The following NDUFAF2 variants were observed in gnomAD, a reference collection of about 807,000 sequenced individuals.
NDUFAF2 encodes the protein NADH:ubiquinone oxidoreductase complex assembly factor 2.
In NDUFAF2, 13 loss-of-function variants were observed where a neutral mutation model predicts 22.8. The ratio of observed to expected loss-of-function variants is 0.57; its 90% CI spans 0.37 to 0.91. The LOEUF is 0.91. NDUFAF2 is among the 40% of genes least tolerant of loss of function. The pLI is 0.01. For missense variants in NDUFAF2, 162 were observed against 195.2 expected, an observed-to-expected ratio of 0.83 and a Z score of 1.01; for synonymous variants, 53 against 64.2, an observed-to-expected ratio of 0.83 and a Z score of 0.84.
intron 1 of NDUFAF2, among the ~76,000 whole-genome samples, chr5:61,032,515 G>A (rs1432255209): frequency 6.6e-6 from 1 of 152,124 alleles, no homozygotes; most frequent in Non-Finnish European, 1.5e-5. Flanking sequence ...TGTCAAGTTT[G>A]TCAAAGATCA....
At chr5:61,101,425 T>C (rs1047128319) in intron 3 of NDUFAF2, among the ~76,000 whole-genome samples, 3 of 152,206 alleles carry the variant, frequency 2.0e-5, no homozygotes, top group African/African-American at 7.2e-5. Context: ...GTATTTGTTT[T>C]AAATCTTTCA....
intron 1 of NDUFAF2, among the ~76,000 whole-genome samples, chr5:60,973,606 G>T (rs1750864310): frequency 6.6e-6 from 1 of 152,158 alleles, no homozygotes; most frequent in Non-Finnish European, 1.5e-5. Flanking sequence ...TTAGCAAAAG[G>T]AGTAACGTAA....
chr5:60,951,211 G>GT (rs945884539), intron 1 of NDUFAF2, among the ~76,000 whole-genome samples: 3 of 151,954 alleles, frequency 2.0e-5, no homozygotes, highest in Admixed American at 2.0e-4. Flanking sequence ...TGTAATTTTA[G>GT]TAAGAGACAG....
At chr5:61,079,608 TAGAG>T (rs1752415632) in intron 2 of NDUFAF2, among the ~76,000 whole-genome samples, 1 of 152,298 alleles carries the variant, frequency 6.6e-6, no homozygotes, top group Admixed American at 6.5e-5. Context: ...TAGAAAAGAT[TAGAG>T]AGAATATTCT....
At chr5:61,146,048 C>G (rs1741132989) in intron 3 of NDUFAF2, 1 of 152,126 alleles carries the variant, frequency 6.6e-6, no homozygotes, top group Non-Finnish European at 1.5e-5. Flanking sequence ...GCTTTGGTGA[C>G]TAGAGACTTT....
intron 1 of NDUFAF2, among the ~76,000 whole-genome samples, chr5:60,971,380 G>C (rs983333124): frequency 6.6e-6 from 1 of 151,032 alleles, no homozygotes; most frequent in South Asian, 2.1e-4. Flanking sequence ...TCCGCCTCCC[G>C]GGTTCACGCC....
chr5:61,088,678 A>T (rs1397730913), intron 2 of NDUFAF2, among the ~76,000 whole-genome samples: 1 of 152,162 alleles, frequency 6.6e-6, no homozygotes, highest in Non-Finnish European at 1.5e-5. Context: ...ATGCCAACTT[A>T]ATAATATCCC....
chr5:60,945,760 C>T (rs908412929), intron 1 of NDUFAF2, among the ~76,000 whole-genome samples: 1 of 152,222 alleles, frequency 6.6e-6, no homozygotes, highest in Non-Finnish European at 1.5e-5. Flanking sequence ...AAATCTTTCA[C>T]CAAAGGGGCT....
chr5:60,958,520 A>G (rs1750646422), intron 1 of NDUFAF2, among the ~76,000 whole-genome samples: 1 of 152,158 alleles, frequency 6.6e-6, no homozygotes, highest in Non-Finnish European at 1.5e-5. Flanking sequence ...TAACATTTTT[A>G]TAACAACCAT....
chr5:61,143,958 TTTTGTGTGTGTGTGTGTGTG>T (rs1452343944), intron 3 of NDUFAF2, among the ~76,000 whole-genome samples: 5 of 125,560 alleles, frequency 4.0e-5, no homozygotes, highest in African/African-American at 9.5e-5. Context: ...AATGGCATAT[TTTTGTGTGTGTGTGTGTGTG>T]TGTGTGTGTG....
intron 1 of NDUFAF2, among the ~76,000 whole-genome samples, chr5:61,042,148 C>T (rs1751891588): frequency 6.6e-6 from 1 of 152,034 alleles, no homozygotes; most frequent in Non-Finnish European, 1.5e-5. Flanking sequence ...ACTGTTTTAG[C>T]CATAGGAGAT....
intron 3 of NDUFAF2, among the ~76,000 whole-genome samples, chr5:61,120,846 A>AT (rs929373632): frequency 6.6e-6 from 1 of 151,914 alleles, no homozygotes; most frequent in African/African-American, 2.4e-5. Flanking sequence ...TTTTTGGTTT[A>AT]TTTTTTTTAT....
rs1432463440 is a variant in NDUFAF2 at position 60,945,517 on chromosome 5, C to T, written c.127+135C>T. 16 of 1,316,908 alleles carry T rather than the reference C, an allele frequency of 1.2e-5. No homozygotes were observed. In the East Asian group the frequency reaches 3.4e-4, roughly 28 times the overall value. The allele number at this position is 1,316,908 out of a possible 1,614,324, so 81.6% of individuals were successfully genotyped here. Reference sequence around the variant, plus strand: ...GTCACCGGAGAGAATTTCCCGAGTTCGTTCTCCCCTGTCGACCCCTTCACT... The same window carrying T: ...GTCACCGGAGAGAATTTCCCGAGTTTGTTCTCCCCTGTCGACCCCTTCACT... On this transcript the variant is annotated intron_variant, in intron 1 of 3. Transcript: ENST00000296597.
At chr5:61,120,676 A>T (rs901180324) in intron 3 of NDUFAF2, among the ~76,000 whole-genome samples, 1 of 152,140 alleles carries the variant, frequency 6.6e-6, no homozygotes, top group Non-Finnish European at 1.5e-5. Flanking sequence ...AAGAGTCATC[A>T]AAACTTACTA....
At chr5:61,041,142 CA>C (rs1751877438) in intron 1 of NDUFAF2, among the ~76,000 whole-genome samples, 1 of 151,998 alleles carries the variant, frequency 6.6e-6, no homozygotes, top group African/African-American at 2.4e-5. Flanking sequence ...AGCTAATATT[CA>C]GAAGTAACAT....
intron 3 of NDUFAF2, among the ~76,000 whole-genome samples, chr5:61,119,226 TTATA>T (rs1752948838): frequency 6.6e-6 from 1 of 152,170 alleles, no homozygotes; most frequent in Non-Finnish European, 1.5e-5. Context: ...GCCTTAAGGC[TTATA>T]TATTTGCATT....
chr5:61,115,880 G>A (rs148353457), intron 3 of NDUFAF2: 85 of 152,210 alleles, frequency 5.6e-4, no homozygotes, highest in African/African-American at 2.0e-3. Flanking sequence ...TTGTGATATC[G>A]TACAACGAGA....
chr5:60,982,566 C>G (rs962854309), intron 1 of NDUFAF2, among the ~76,000 whole-genome samples: 1 of 111,974 alleles, frequency 8.9e-6, no homozygotes, highest in African/African-American at 3.5e-5. Context: ...CACCCCACAT[C>G]AGGCCCTGGT....
chr5:60,956,562 T>G (rs1056525091), intron 1 of NDUFAF2, among the ~76,000 whole-genome samples: 2 of 152,204 alleles, frequency 1.3e-5, no homozygotes, highest in African/African-American at 2.4e-5. Context: ...TAAAAAGGAC[T>G]GAATTTTGTT....
Sources: allele counts gnomAD v4.1 joint callset (sites outside exome capture counted in the v4.1 genomes callset), GRCh38; gene constraint gnomAD v4.1.1; transcripts MANE v1.5; gene names NCBI Gene and HGNC (gene_info 2026-07-23, HGNC 2026-07-21).